Variants in TMPRSS11B observed in about 807,000 individuals in gnomAD.
TMPRSS11B encodes transmembrane protease serine 11B.
In TMPRSS11B, 53 loss-of-function variants were observed where a neutral mutation model predicts 44.7. The ratio of observed to expected loss-of-function variants is 1.19; its 90% confidence interval spans 0.95 to 1.49. TMPRSS11B has a LOEUF of 1.49. Among genes scored for constraint, TMPRSS11B ranks in the 40% most tolerant of loss-of-function variants. The pLI is 0.00. For missense variants in TMPRSS11B, 526 were observed against 494.8 expected (o/e 1.06, Z -0.60); for synonymous variants, 140 against 159.2 (o/e 0.88, Z 0.91).
At chr4:68,242,305 A>AT (rs1344579346) in intron 1 of TMPRSS11B, among the ~76,000 whole-genome samples, 4 of 58,482 alleles carry the variant, frequency 6.8e-5, no homozygotes, top group African/African-American at 3.0e-4. Context: ...ATAATATAAT[A>AT]TATATAATAT....
chr4:68,244,415 A>G (rs1187945224), intron 1 of TMPRSS11B, among the ~76,000 whole-genome samples: 1 of 152,200 alleles, frequency 6.6e-6, no homozygotes, highest in Admixed American at 6.5e-5. Context: ...ACTTGAGGTC[A>G]GGTGTTTGAG....
intron 1 of TMPRSS11B, among the ~76,000 whole-genome samples, 162 bp downstream of exon 1, chr4:68,245,389 C>A (rs1012430354): frequency 6.6e-6 from 1 of 152,066 alleles, no homozygotes; most frequent in Non-Finnish European, 1.5e-5. Flanking sequence ...TTCCCAGAGA[C>A]TTCAAAGGGT....
chr4:68,233,544 G>T (rs1268672734), intron 5 of TMPRSS11B, among the ~76,000 whole-genome samples: 4 of 151,918 alleles, frequency 2.6e-5, no homozygotes, highest in Non-Finnish European at 5.9e-5. Flanking sequence ...GGGATAGATT[G>T]TTTACTCTCT....
chr4:68,230,360 C>T (rs1355180736), intron 7 of TMPRSS11B, among the ~76,000 whole-genome samples: 5 of 152,090 alleles, frequency 3.3e-5, no homozygotes, highest in South Asian at 2.1e-4. Context: ...CTTTGTAATA[C>T]GTGTCATGTT....
At position 68,241,760 on chromosome 4, in the gene TMPRSS11B, A is replaced by G. The variant is rs1278769388; in HGVS notation, c.53T>C (p.Ile18Thr). The part of the protein sequence containing the change: ...SQRSWPLWTT[I>T]FIFLGVAAIL... ...TGCCGCCACTCCAAGAAAAATAAAG[A>G]TCGTAGTCCATAGTGGCCAAGATCT... is the stretch of plus-strand genomic sequence containing the variant. The change falls in exon 2 of 10, where the codon ATC (isoleucine) becomes ACC (threonine). Residue 18 changes from isoleucine to threonine, a missense_variant. Coordinates refer to ENST00000332644, the MANE Select transcript of TMPRSS11B (RefSeq NM_182502.3). 4 of 1,613,402 alleles carry G rather than the reference A, an allele frequency of 2.5e-6. No homozygotes were observed. The Admixed American group carries it at 6.7e-5, about 27-fold the overall frequency.
chr4:68,242,446 T>C (rs1719887618), intron 1 of TMPRSS11B, among the ~76,000 whole-genome samples: 4 of 130,278 alleles, frequency 3.1e-5, no homozygotes, highest in African/African-American at 8.8e-5. Flanking sequence ...AATTATAGGT[T>C]TGATAATTGC....
Position 68,231,196 on chromosome 4 carries a change from AACTT to A in TMPRSS11B, c.686+3_686+6del. 6.3e-7 allele frequency: 1 copy of A among 1,595,328 alleles called. No individual in the cohort carries two copies. Among genetic ancestry groups the A allele is most frequent in the East Asian group, 2.3e-5 (1 of 44,422 alleles). On this transcript the variant is annotated splice_donor_5th_base_variant and intron_variant, in intron 7 of 9. Coordinates refer to ENST00000332644, the MANE Select transcript of TMPRSS11B (RefSeq NM_182502.3). ...CATCCTTCATTTAGTCAAATTTTCAAACTTACTTAGCAAAGCAGTGAGCTGCAGA... is the reference window on the plus strand; with the variant it reads ...CATCCTTCATTTAGTCAAATTTTCAAACTTAGCAAAGCAGTGAGCTGCAGA...
In TMPRSS11B at chr4:68,236,174, G is replaced by A; in HGVS notation, c.217C>T (p.Leu73=). Reference sequence around the variant, plus strand: ...ACCTTAGTCTCAATATCTTTGCTTAGATTTGTGCTGGCTTGTGAAGCTGCG... The same window carrying A: ...ACCTTAGTCTCAATATCTTTGCTTAAATTTGTGCTGGCTTGTGAAGCTGCG... ...ENAASQASTN[L]SKDIETKMLN... The change falls in exon 3 of 10, where the codon CTA becomes TTA. Residue 73 remains leucine, a synonymous_variant. Coordinates refer to ENST00000332644, the MANE Select transcript of TMPRSS11B (RefSeq NM_182502.3). The A allele has an allele frequency of 6.8e-6, 11 of 1,610,258 alleles. No homozygotes were observed. The highest frequency in any genetic ancestry group is 9.3e-6 in the Non-Finnish European group (11 of 1,178,226).
chr4:68,228,087 G>T lies in TMPRSS11B; in HGVS notation c.1090-15C>A, dbSNP rs1238557907. 1.9e-6 allele frequency: 3 copies of T among 1,581,418 alleles called. No individual in the cohort carries two copies. In the East Asian group the frequency reaches 6.7e-5, roughly 35 times the overall value. On this transcript the variant is annotated splice_polypyrimidine_tract_variant and intron_variant, in intron 9 of 9. Transcript: ENST00000332644. ...CCAGAATCATTCTAGAAGAAGAAAA[G>T]AAAAAAATGTTTCTTGTCTTAACAA...
chr4:68,235,313 G>A (rs879723463), intron 4 of TMPRSS11B, among the ~76,000 whole-genome samples: 3 of 152,114 alleles, frequency 2.0e-5, no homozygotes, highest in Non-Finnish European at 4.4e-5. Flanking sequence ...GGTCTTTGAA[G>A]GTTTTTGTTT....
chr4:68,228,417 C>T (rs1719414530), intron 9 of TMPRSS11B, among the ~76,000 whole-genome samples: 1 of 152,176 alleles, frequency 6.6e-6, no homozygotes, highest in Admixed American at 6.5e-5. Flanking sequence ...ACTCCTGATG[C>T]ATCTCTGGAT....
intron 1 of TMPRSS11B, 127 bp downstream of exon 1, chr4:68,245,424 T>C (rs1044359943): frequency 9.7e-7 from 1 of 1,035,568 alleles, no homozygotes; most frequent in African/African-American, 1.6e-5. Flanking sequence ...CAATAGAGTG[T>C]TTCTTAACAG....
intron 1 of TMPRSS11B, 75 bp downstream of exon 1, chr4:68,245,476 C>G (rs1245394725): frequency 6.6e-7 from 1 of 1,511,276 alleles, no homozygotes; most frequent in African/African-American, 1.4e-5. Context: ...AGTCAATTAA[C>G]AAAAAACTAG....
chr4:68,238,664 T>G (rs28433842), intron 2 of TMPRSS11B, among the ~76,000 whole-genome samples: 2,117 of 151,808 alleles, frequency 0.014, 38 homozygotes, highest in African/African-American at 0.048. Context: ...GAGGCAGAGG[T>G]TGCAGTTTGC....
In TMPRSS11B at chr4:68,228,139, A is replaced by T; in HGVS notation, c.1090-67T>A. 7 of 1,409,174 alleles carry T rather than the reference A, an allele frequency of 5.0e-6. No individual in the cohort carries two copies. The South Asian group carries it at 1.0e-4, about 21-fold the overall frequency. The allele number at this position is 1,409,174 out of a possible 1,614,324, so 87.3% of individuals were successfully genotyped here. ...AAATTTCCTTTTACCTCTCCTGTGG[A>T]GTTATCTGTACCTCCTGGGCACTGA... On this transcript the variant is annotated intron_variant, in intron 9 of 9. Transcript: ENST00000332644.
At chr4:68,233,415 T>C (rs886895456) in intron 5 of TMPRSS11B, among the ~76,000 whole-genome samples, 7 of 152,172 alleles carry the variant, frequency 4.6e-5, no homozygotes, top group African/African-American at 1.7e-4. Context: ...TAGCTGGACT[T>C]TTAACAATCC....
intron 1 of TMPRSS11B, among the ~76,000 whole-genome samples, chr4:68,245,272 C>G (rs1048029503): frequency 6.6e-6 from 1 of 152,004 alleles, no homozygotes; most frequent in East Asian, 1.9e-4. Flanking sequence ...TAAAAGAAAT[C>G]TTATGCCTCA....
chr4:68,242,330 T>A (rs1338895000), intron 1 of TMPRSS11B, among the ~76,000 whole-genome samples: 118 of 5,412 alleles, frequency 0.022, 4 homozygotes, highest in Middle Eastern at 0.062. Flanking sequence ...TATATAATAT[T>A]ATATTATATA....
chr4:68,231,323 T>C lies in TMPRSS11B; in HGVS notation c.566A>G (p.Lys189Arg). Reference sequence around the variant, plus strand: ...TGGCCATGCCCCCTCCAGGGAGCTTTTTCCATTCACAATTTTGTTGCCAGT... The same window carrying C: ...TGGCCATGCCCCCTCCAGGGAGCTTCTTCCATTCACAATTTTGTTGCCAGT... ...IITGNKIVNG[K>R]SSLEGAWPWQ... The change falls in exon 7 of 10, where the codon AAA becomes AGA. Residue 189 changes from lysine to arginine, a missense_variant. Lys to Arg is a conservative substitution (Grantham distance 26). Transcript: ENST00000332644. 3 of 1,613,950 alleles carry C rather than the reference T, an allele frequency of 1.9e-6. No individual in the cohort carries two copies. The highest frequency in any genetic ancestry group is 2.5e-6 in the Non-Finnish European group (3 of 1,179,896).
Sources: gnomAD v4.1 joint callset for allele counts (sites outside exome capture counted in the v4.1 genomes callset) on GRCh38, gnomAD v4.1.1 for gene constraint, MANE v1.5 for transcripts, NCBI Gene and HGNC (gene_info 2026-07-23, HGNC 2026-07-21) for gene names.